Variants in PDE5A observed in about 807,000 individuals in gnomAD.
PDE5A encodes cGMP-specific 3',5'-cyclic phosphodiesterase.
PDE5A carries 67 observed loss-of-function variants against 110.2 expected under a neutral mutation model. The observed-to-expected ratio is 0.61, with a 90% confidence interval of 0.50 to 0.75. The LOEUF (loss-of-function observed/expected upper bound fraction) is 0.75. PDE5A is among the 30% of genes least tolerant of loss of function. PDE5A has a pLI of 0.00. For missense variants in PDE5A, 862 were observed against 1,045.1 expected (o/e 0.82, Z 2.42); for synonymous variants, 328 against 351.2 (o/e 0.93, Z 0.74).
chr4:119,530,238 AAG>A, intron 11 of PDE5A, among the ~76,000 whole-genome samples: 1 of 152,260 alleles, frequency 6.6e-6, no homozygotes, highest in South Asian at 2.1e-4. Flanking sequence ...AGATTAAAGA[AAG>A]AAAATGAAGG....
At chr4:119,543,396 T>TTAAA (rs1727017678) in intron 9 of PDE5A, 1 of 152,006 alleles carries the variant, frequency 6.6e-6, no homozygotes. Flanking sequence ...AACAAAGTGT[T>TTAAA]GTTAAAGTCC....
chr4:119,564,153 C>T (rs1046261000), intron 5 of PDE5A, among the ~76,000 whole-genome samples: 2 of 151,514 alleles, frequency 1.3e-5, no homozygotes, highest in Non-Finnish European at 2.9e-5. Flanking sequence ...GTATTATATG[C>T]CATGTTATAT....
At chr4:119,596,683 T>C (rs1729164183) in intron 2 of PDE5A, 71 bp from the exon 3 acceptor site, 4 of 883,214 alleles carry the variant, frequency 4.5e-6, no homozygotes, top group Non-Finnish European at 7.1e-6. Flanking sequence ...TCTGATTTAT[T>C]AGATTAGAGA....
At chr4:119,628,032 C>G (rs1730425487) in intron 1 of PDE5A, 8 of 986,056 alleles carry the variant, frequency 8.1e-6, no homozygotes, top group Middle Eastern at 5.2e-4. Context: ...TGGGCTGTCC[C>G]GTGGACTCGT....
chr4:119,509,670 CATGAT>C (rs1725673730), intron 15 of PDE5A, among the ~76,000 whole-genome samples: 1 of 151,986 alleles, frequency 6.6e-6, no homozygotes, highest in South Asian at 2.1e-4. Context: ...CCCAATCACA[CATGAT>C]ATAATTCACA....
chr4:119,598,552 G>A (rs1729232357), intron 2 of PDE5A, among the ~76,000 whole-genome samples: 1 of 152,174 alleles, frequency 6.6e-6, no homozygotes, highest in South Asian at 2.1e-4. Context: ...AAGAACACAA[G>A]CCTTGGATGT....
At chr4:119,560,772 CT>C (rs1196515263) in intron 6 of PDE5A, among the ~76,000 whole-genome samples, 3 of 152,114 alleles carry the variant, frequency 2.0e-5, no homozygotes, top group Non-Finnish European at 2.9e-5. Flanking sequence ...TTCAGTAATA[CT>C]TTATGTGATT....
chr4:119,584,049 GC>G (rs746541603), intron 3 of PDE5A, among the ~76,000 whole-genome samples: 2 of 152,190 alleles, frequency 1.3e-5, no homozygotes, highest in Non-Finnish European at 2.9e-5. Context: ...ATGAGATCTG[GC>G]GCACAAATGG....
At position 119,519,106 on chromosome 4, in the gene PDE5A, G is replaced by C. The variant is rs759073586; in HGVS notation, c.1939C>G (p.Leu647Val). Reference protein sequence around the residue: ...KLTDLEILALLIAALSHDLDH... With the variant: ...KLTDLEILALVIAALSHDLDH... Reference sequence around the variant, plus strand: ...AAATCGTGGCTTAGTGCAGCAATCAGCAATGCAAGTATCTCCAGGTCAGTC... The same window carrying C: ...AAATCGTGGCTTAGTGCAGCAATCACCAATGCAAGTATCTCCAGGTCAGTC... Residue 647 changes from leucine (L) to valine (V), a missense_variant, in exon 14 of 21, where the codon CTG (leucine) becomes GTG (valine). Transcript: ENST00000354960. 6.2e-7 allele frequency: 1 copy of C among 1,613,818 alleles called. No individual in the cohort carries two copies. Among genetic ancestry groups the C allele is most frequent in the Admixed American group, 1.7e-5 (1 of 60,018 alleles).
At chr4:119,579,703 G>A (rs1476113046) in intron 3 of PDE5A, among the ~76,000 whole-genome samples, 2 of 151,548 alleles carry the variant, frequency 1.3e-5, no homozygotes, top group Non-Finnish European at 2.9e-5. Flanking sequence ...GGTGGGGGGA[G>A]TGGGGAGGGA....
At position 119,610,686 on chromosome 4, in the gene PDE5A, G is replaced by A. The variant is rs541544497; in HGVS notation, c.153-3389C>T. ...CTCCACAGTTACTCAAACCAAACAC[G>A]TAGGAATTACTCTAAATTTCTGTTT... is the stretch of plus-strand genomic sequence containing the variant. On this transcript the variant is annotated intron_variant, in intron 1 of 20. Transcript: ENST00000354960. Among the ~76,000 whole-genome samples, 114 of 152,148 alleles carry A rather than the reference G, an allele frequency of 7.5e-4. 1 individual carries two copies. In the South Asian group the frequency reaches 0.022, roughly 29 times the overall value.
intron 2 of PDE5A, among the ~76,000 whole-genome samples, chr4:119,605,897 T>A (rs1729511394): frequency 6.6e-6 from 1 of 152,220 alleles, no homozygotes; most frequent in African/African-American, 2.4e-5. Context: ...TACCACTGAA[T>A]CTTTATAGTG....
chr4:119,577,115 C>T (rs1432380466), intron 3 of PDE5A, among the ~76,000 whole-genome samples: 2 of 152,100 alleles, frequency 1.3e-5, no homozygotes, highest in African/African-American at 4.8e-5. Flanking sequence ...TCGAAACATA[C>T]CCCCTCCCAA....
chr4:119,577,492 T>A (rs57220462), intron 3 of PDE5A, among the ~76,000 whole-genome samples: 71,525 of 150,740 alleles, frequency 0.47, 17,026 homozygotes, highest in South Asian at 0.63. Context: ...TCCACCATGA[T>A]CAAGTGGGCT....
chr4:119,600,033 T>C (rs1280331035), intron 2 of PDE5A, among the ~76,000 whole-genome samples: 1 of 152,072 alleles, frequency 6.6e-6, no homozygotes, highest in African/African-American at 2.4e-5. Flanking sequence ...TTCAAGAATA[T>C]AGGCAAAATA....
At chr4:119,515,752 CCT>C (rs1725888996) in intron 14 of PDE5A, among the ~76,000 whole-genome samples, 2 of 152,062 alleles carry the variant, frequency 1.3e-5, no homozygotes, top group East Asian at 1.9e-4. Flanking sequence ...TCAGTCTCTT[CCT>C]CTCTCTAGCC....
chr4:119,518,957 C>A, intron 14 of PDE5A, 88 bp downstream of exon 14: 1 of 811,444 alleles, frequency 1.2e-6, no homozygotes, highest in South Asian at 1.5e-5. Context: ...GGACCTTGAC[C>A]ATCAAATTTT....
intron 11 of PDE5A, among the ~76,000 whole-genome samples, chr4:119,531,097 G>A (rs1264465075): frequency 6.6e-6 from 1 of 152,036 alleles, no homozygotes; most frequent in Non-Finnish European, 1.5e-5. Flanking sequence ...AGCTGCTTTC[G>A]TAGGAAGTTA....
rs753355410 is a variant in PDE5A, at chr4:119,596,605, C to T, written c.749G>A (p.Arg250Gln). The change falls in exon 3 of 21, where the codon CGG becomes CAG. Residue 250 changes from arginine to glutamine, a missense_variant. Coordinates refer to ENST00000354960, the MANE Select transcript of PDE5A (RefSeq NM_001083.4). ...AATTTGGTCAACTTCTGCATTGAAC[C>T]GAGGATCCTAGTATGGAAAAAGAAA... ...LNIKDAYEDP[R>Q]FNAEVDQITG... 8.9e-6 allele frequency: 14 copies of T among 1,571,738 alleles called. No homozygotes were observed. Among genetic ancestry groups the T allele is most frequent in the South Asian group, 2.4e-5 (2 of 84,986 alleles).
Sources: allele counts gnomAD v4.1 joint callset (sites outside exome capture counted in the v4.1 genomes callset), GRCh38; gene constraint gnomAD v4.1.1; transcripts MANE v1.5; gene names NCBI Gene and HGNC (gene_info 2026-07-23, HGNC 2026-07-21).